The following TMEM132D variants were observed in gnomAD, a reference collection of about 807,000 sequenced individuals.
TMEM132D encodes the protein transmembrane protein 132D, also known as mature OL transmembrane protein.
In TMEM132D, 21 loss-of-function variants were observed where a neutral mutation model predicts 62.3. The ratio of observed to expected loss-of-function variants is 0.34; its 90% CI spans 0.24 to 0.49. The LOEUF (loss-of-function observed/expected upper bound fraction) is 0.49, where lower values mean the gene tolerates loss of function less well. TMEM132D is among the 20% of genes least tolerant of loss of function. TMEM132D has a pLI of 0.99. For synonymous variants in TMEM132D, 621 were observed against 575.6 expected (o/e 1.08, Z -1.13); for missense variants, 1,346 against 1,402.8 (o/e 0.96, Z 0.65).
intron 5 of TMEM132D, among the ~76,000 whole-genome samples, chr12:129,185,524 TTCA>T (rs916135504): frequency 1.1e-4 from 17 of 151,988 alleles, no homozygotes; most frequent in African/African-American, 3.6e-4. Flanking sequence ...TCTTTTATTT[TTCA>T]TCACTTTTAT....
intron 1 of TMEM132D, among the ~76,000 whole-genome samples, chr12:129,782,826 G>T (rs779096488): frequency 2.4e-4 from 36 of 152,260 alleles, no homozygotes; most frequent in Non-Finnish European, 1.2e-4. Context: ...AGCCAGGTAA[G>T]TCAGTCCCAC....
chr12:129,188,613 C>A (rs1190939223), intron 5 of TMEM132D, among the ~76,000 whole-genome samples: 1 of 152,060 alleles, frequency 6.6e-6, no homozygotes, highest in African/African-American at 2.4e-5. Flanking sequence ...TGTGGAGACA[C>A]ATACTAGCTG....
chr12:129,901,043 A>G (rs955793074), intron 1 of TMEM132D, among the ~76,000 whole-genome samples: 36 of 152,230 alleles, frequency 2.4e-4, no homozygotes, highest in African/African-American at 8.7e-4. Context: ...CCTTTGTTTC[A>G]TTCAAAAATT....
intron 3 of TMEM132D, among the ~76,000 whole-genome samples, chr12:129,484,392 C>A (rs1017923399): frequency 2.0e-5 from 3 of 152,214 alleles, no homozygotes; most frequent in Non-Finnish European, 4.4e-5. Context: ...CAGGGCTAGG[C>A]ACACAATAGA....
At chr12:129,818,963 A>G (rs574833621) in intron 1 of TMEM132D, among the ~76,000 whole-genome samples, 1 of 151,798 alleles carries the variant, frequency 6.6e-6, no homozygotes, top group East Asian at 1.9e-4. Context: ...TGAACCCAGG[A>G]GGTCGAGGCT....
intron 1 of TMEM132D, among the ~76,000 whole-genome samples, chr12:129,874,206 T>C (rs1593194813): frequency 6.6e-6 from 1 of 152,200 alleles, no homozygotes; most frequent in Non-Finnish European, 1.5e-5. Context: ...ATATGATAAA[T>C]AGCTTGACTT....
intron 8 of TMEM132D, among the ~76,000 whole-genome samples, chr12:129,077,865 A>C (rs1207815690): frequency 6.8e-6 from 1 of 146,390 alleles, no homozygotes; most frequent in Admixed American, 6.9e-5. Flanking sequence ...CACAAGACAC[A>C]CACATGCATA....
chr12:129,505,533 A>G lies in TMEM132D; in HGVS notation c.1115+25526T>C, dbSNP rs547324466. ...GCTGGGATTACAGGCATGAGCCACC[A>G]CGCCTGGCCTGTTCCAAGGTATAGT... On this transcript the variant is annotated intron_variant, in intron 3 of 8. Coordinates refer to ENST00000422113, the MANE Select transcript of TMEM132D (RefSeq NM_133448.3). Among the ~76,000 whole-genome samples the G allele has an allele frequency of 1.1e-3, 168 of 152,172 alleles. 1 individual carries two copies. The highest frequency in any genetic ancestry group is 3.5e-3 in the African/African-American group (146 of 41,522).
At chr12:129,897,170 T>C (rs1048053380) in intron 1 of TMEM132D, among the ~76,000 whole-genome samples, 9 of 152,226 alleles carry the variant, frequency 5.9e-5, no homozygotes, top group Admixed American at 5.9e-4. Flanking sequence ...TTTGGTCCCA[T>C]GTCACAACAA....
intron 1 of TMEM132D, among the ~76,000 whole-genome samples, chr12:129,756,174 G>A (rs1286670547): frequency 1.3e-5 from 2 of 152,170 alleles, no homozygotes; most frequent in Non-Finnish European, 2.9e-5. Flanking sequence ...TTTCAGCTAT[G>A]CAAAATGTGT....
At chr12:129,872,394 A>G (rs1471042848) in intron 1 of TMEM132D, among the ~76,000 whole-genome samples, 1 of 152,186 alleles carries the variant, frequency 6.6e-6, no homozygotes, top group East Asian at 1.9e-4. Context: ...CCTGCTCTCC[A>G]GATTAAACAT....
In TMEM132D at chr12:129,602,554, G is replaced by T. The variant is rs143436261; in HGVS notation, c.969-71349C>A. ...TTTATACCTATCCCATCCAACTCCG[G>T]TGGCAGAAATGTGTTGGCCTCTGCT... On this transcript the variant is annotated intron_variant, in intron 2 of 8. Coordinates refer to ENST00000422113, the MANE Select transcript of TMEM132D (RefSeq NM_133448.3). Among the ~76,000 whole-genome samples, 189 of 152,276 alleles carry T rather than the reference G, an allele frequency of 1.2e-3. 1 individual carries two copies. Among genetic ancestry groups the T allele is most frequent in the African/African-American group, 4.4e-3 (181 of 41,558 alleles).
chr12:129,347,972 C>T (rs147611250), intron 3 of TMEM132D, among the ~76,000 whole-genome samples: 31 of 152,302 alleles, frequency 2.0e-4, no homozygotes, highest in African/African-American at 7.5e-4. Flanking sequence ...CATCACTGAT[C>T]ATTAGAGAAA....
intron 2 of TMEM132D, among the ~76,000 whole-genome samples, chr12:129,541,382 T>G (rs1031700186): frequency 5.9e-5 from 9 of 152,210 alleles, no homozygotes; most frequent in African/African-American, 2.2e-4. Flanking sequence ...TACAAATTGT[T>G]ATGTGGGAAC....
At chr12:129,285,826 G>A (rs1881280830) in intron 4 of TMEM132D, among the ~76,000 whole-genome samples, 1 of 151,942 alleles carries the variant, frequency 6.6e-6, no homozygotes, top group Non-Finnish European at 1.5e-5. Flanking sequence ...TCTCACCCCA[G>A]TAGTTTCTCC....
rs1393487393 is a variant in TMEM132D at position 129,483,334 on chromosome 12, C to A, written c.1115+47725G>T. ...AAGTACAGACGCTTGGGCCCCATCCCAGAAATTCTGTTTTAATTTGGATGA... is the reference window on the plus strand; with the variant it reads ...AAGTACAGACGCTTGGGCCCCATCCAAGAAATTCTGTTTTAATTTGGATGA... On this transcript the variant is annotated intron_variant, in intron 3 of 8. Coordinates refer to ENST00000422113, the MANE Select transcript of TMEM132D (RefSeq NM_133448.3). Among the ~76,000 whole-genome samples, 7 of 152,236 alleles carry A rather than the reference C, an allele frequency of 4.6e-5. No individual in the cohort carries two copies. The South Asian group carries it at 1.5e-3, about 32-fold the overall frequency.
chr12:129,465,288 G>A (rs572563348), intron 3 of TMEM132D, among the ~76,000 whole-genome samples: 113 of 152,180 alleles, frequency 7.4e-4, no homozygotes, highest in African/African-American at 2.7e-3. Context: ...GTATTGATGG[G>A]ACGTATCTCA....
intron 2 of TMEM132D, among the ~76,000 whole-genome samples, chr12:129,541,851 T>C (rs2137098261): frequency 1.3e-5 from 2 of 152,356 alleles, no homozygotes; most frequent in Middle Eastern, 3.4e-3. Context: ...ATTATCTTCT[T>C]TGTTACACAG....
At chr12:129,863,442 G>A (rs1873960688) in intron 1 of TMEM132D, among the ~76,000 whole-genome samples, 1 of 152,180 alleles carries the variant, frequency 6.6e-6, no homozygotes, top group Admixed American at 6.5e-5. Flanking sequence ...TAAGTTCACT[G>A]TTGGTCAGCT....
Sources: allele counts gnomAD v4.1 joint callset (sites outside exome capture counted in the v4.1 genomes callset), GRCh38; gene constraint gnomAD v4.1.1; transcripts MANE v1.5; gene names NCBI Gene and HGNC (gene_info 2026-07-23, HGNC 2026-07-21).